OR10J1: variants seen among roughly 807,000 people sequenced by gnomAD.
OR10J1 encodes the protein olfactory receptor family 10 subfamily J member 1, also known as olfactory receptor 10J1.
For synonymous variants in OR10J1, 202 were observed against 143.8 expected, an observed-to-expected ratio of 1.40 and a Z score of -2.89; for missense variants, 474 against 376.6, an observed-to-expected ratio of 1.26 and a Z score of -2.14.
chr1:159,432,772 G>GTAGAAA, the OR10J1 span: 1 of 374,554 alleles, frequency 2.7e-6, no homozygotes, highest in Non-Finnish European at 4.6e-6. Flanking sequence ...AAGCTTGCCT[G>GTAGAAA]TGCAGACACT....
the OR10J1 span, among the ~76,000 whole-genome samples, chr1:159,410,350 C>G: frequency 2.0e-5 from 3 of 152,108 alleles, no homozygotes; most frequent in Non-Finnish European, 4.4e-5. Context: ...GGTTGGTAAG[C>G]TATTGATTAT....
chr1:159,405,975 C>G, the OR10J1 span: 2 of 458,180 alleles, frequency 4.4e-6, no homozygotes, highest in Non-Finnish European at 4.1e-6. Flanking sequence ...CTATGAATAC[C>G]GTAAGGGGTT....
the OR10J1 span, among the ~76,000 whole-genome samples, chr1:159,401,052 CAAAG>C: frequency 6.6e-6 from 1 of 150,876 alleles, no homozygotes; most frequent in Non-Finnish European, 1.5e-5. Context: ...CTTCTTGAAA[CAAAG>C]AATAATGGAA....
upstream of OR10J1, chr1:159,433,217 T>C: frequency 2.5e-6 from 1 of 397,212 alleles, no homozygotes; most frequent in Admixed American, 4.4e-5. Context: ...AGATGAGAGA[T>C]ACTGTGAAAG....
At chr1:159,429,012 C>T in the OR10J1 span, among the ~76,000 whole-genome samples, 3 of 152,362 alleles carry the variant, frequency 2.0e-5, no homozygotes, top group Non-Finnish European at 2.9e-5. Flanking sequence ...CTCTTCCAAC[C>T]TTCAGAAAGG....
At chr1:159,432,501 G>A in the OR10J1 span, 104 of 438,012 alleles carry the variant, frequency 2.4e-4, no homozygotes, top group Non-Finnish European at 3.4e-4. Flanking sequence ...AGGCTGTGCC[G>A]CTCAGCTCTT....
At chr1:159,400,247 C>A in the OR10J1 span, among the ~76,000 whole-genome samples, 2 of 151,812 alleles carry the variant, frequency 1.3e-5, no homozygotes, top group Admixed American at 6.6e-5. Flanking sequence ...ACATTGAATG[C>A]GAATGGACTA....
chr1:159,438,964 C>A (rs558438076), upstream of OR10J1, among the ~76,000 whole-genome samples: 1 of 152,090 alleles, frequency 6.6e-6, no homozygotes, highest in Non-Finnish European at 1.5e-5. Flanking sequence ...TTTATCTCTG[C>A]AGAGTGGGTG....
chr1:159,433,481 A>G (rs566581841), upstream of OR10J1, among the ~76,000 whole-genome samples: 1 of 152,302 alleles, frequency 6.6e-6, no homozygotes, highest in South Asian at 2.1e-4. Context: ...ATATACTATC[A>G]TATCATAGGA....
the OR10J1 span, among the ~76,000 whole-genome samples, chr1:159,416,731 G>A: frequency 2.6e-5 from 4 of 151,870 alleles, no homozygotes; most frequent in African/African-American, 9.7e-5. Context: ...TTGTTAGGAG[G>A]CCTGTTATTG....
At chr1:159,435,307 A>G (rs1655705699), upstream of OR10J1, among the ~76,000 whole-genome samples, 1 of 152,174 alleles carries the variant, frequency 6.6e-6, no homozygotes, top group Non-Finnish European at 1.5e-5. Context: ...TAGTTGCCTC[A>G]GAGTCACTGC....
chr1:159,425,172 G>A, the OR10J1 span, among the ~76,000 whole-genome samples: 12 of 152,168 alleles, frequency 7.9e-5, no homozygotes, highest in East Asian at 1.9e-4. Context: ...AGAAGTGGAC[G>A]TTTCAAAAAA....
chr1:159,439,871 T>A lies in OR10J1; in HGVS notation c.80T>A (p.Leu27His), dbSNP rs766443715. 8.1e-6 allele frequency: 13 copies of A among 1,614,154 alleles called. No individual in the cohort carries two copies. Among genetic ancestry groups the A allele is most frequent in the Non-Finnish European group, 1.1e-5 (13 of 1,179,992 alleles). The part of the protein sequence containing the change: ...FSSFHEQQIT[L>H]FGVFLALYIL... ...AGCTTCCATGAGCAGCAGATCACCC[T>A]TTTTGGCGTGTTCCTTGCACTATAC... The change falls in exon 1 of 1, where the codon CTT becomes CAT. Residue 27 changes from leucine (L) to histidine (H), a missense_variant. Coordinates refer to ENST00000423932, the MANE Select transcript of OR10J1 (RefSeq NM_012351.3).
At chr1:159,436,643 A>C (rs1163247314), upstream of OR10J1, among the ~76,000 whole-genome samples, 1 of 151,604 alleles carries the variant, frequency 6.6e-6, no homozygotes, top group African/African-American at 2.4e-5. Context: ...AAAGACCGGA[A>C]AAGGGAAAAA....
At chr1:159,432,983 C>T (rs772687693), upstream of OR10J1, 2 of 433,642 alleles carry the variant, frequency 4.6e-6, no homozygotes, top group Non-Finnish European at 8.2e-6. Context: ...TTTCATCTAC[C>T]TAAAACCCAA....
At chr1:159,433,463 G>A (rs1453006538), upstream of OR10J1, among the ~76,000 whole-genome samples, 1 of 152,110 alleles carries the variant, frequency 6.6e-6, no homozygotes, top group East Asian at 1.9e-4. Flanking sequence ...AGGGAGAATA[G>A]GAAGAATATA....
chr1:159,435,693 A>G (rs1175215874), upstream of OR10J1, among the ~76,000 whole-genome samples: 1 of 152,174 alleles, frequency 6.6e-6, no homozygotes, highest in Non-Finnish European at 1.5e-5. Context: ...AAAGACTCCC[A>G]TTGACAATTC....
the OR10J1 span, among the ~76,000 whole-genome samples, chr1:159,414,567 T>A: frequency 1.3e-5 from 2 of 151,554 alleles, no homozygotes; most frequent in Non-Finnish European, 2.9e-5. Context: ...TGTAGATATC[T>A]CTTCAATATA....
At chr1:159,405,969 G>A in the OR10J1 span, 18 of 469,486 alleles carry the variant, frequency 3.8e-5, no homozygotes, top group East Asian at 7.8e-4. Flanking sequence ...TCTTACCTAT[G>A]AATACCGTAA....
Sources: gnomAD v4.1 joint callset for allele counts (sites outside exome capture counted in the v4.1 genomes callset) on GRCh38, gnomAD v4.1.1 for gene constraint, MANE v1.5 for transcripts, NCBI Gene and HGNC (gene_info 2026-07-23, HGNC 2026-07-21) for gene names.